CREB5: variants seen among roughly 807,000 people sequenced by gnomAD.
The protein encoded by CREB5 is cAMP responsive element binding protein 5.
CREB5 carries 19 observed loss-of-function variants against 57.1 expected under a neutral mutation model. That is an observed-to-expected ratio of 0.33 (90% CI 0.23 to 0.49). The LOEUF (loss-of-function observed/expected upper bound fraction) is 0.49, where lower values mean the gene tolerates loss of function less well. CREB5 is among the 20% of genes least tolerant of loss of function. CREB5 has a pLI of 0.99. For synonymous variants in CREB5, 238 were observed against 238.3 expected, an observed-to-expected ratio of 1.00 and a Z score of 0.01; for missense variants, 579 against 671.6, an observed-to-expected ratio of 0.86 and a Z score of 1.52.
chr7:28,453,621 T>A (rs888956494), intron 1 of CREB5, among the ~76,000 whole-genome samples: 4 of 152,224 alleles, frequency 2.6e-5, no homozygotes, highest in Non-Finnish European at 5.9e-5. Flanking sequence ...ACACTTGGCA[T>A]CCCTGATCCT....
At chr7:28,648,837 A>T (rs1799011961) in intron 5 of CREB5, among the ~76,000 whole-genome samples, 1 of 152,208 alleles carries the variant, frequency 6.6e-6, no homozygotes, top group African/African-American at 2.4e-5. Flanking sequence ...AGACTCTTTT[A>T]TTTAAAAACA....
chr7:28,759,232 G>A (rs1449284782), intron 7 of CREB5, among the ~76,000 whole-genome samples: 1 of 152,094 alleles, frequency 6.6e-6, no homozygotes, highest in Non-Finnish European at 1.5e-5. Context: ...AGATTGTACT[G>A]GAAACTCAGC....
intron 5 of CREB5, among the ~76,000 whole-genome samples, chr7:28,667,073 G>C (rs2240484): frequency 0.26 from 39,329 of 151,680 alleles, 5,193 homozygotes; most frequent in Middle Eastern, 0.36. Flanking sequence ...AGAGTGAAAC[G>C]AGGACTGATG....
intron 1 of CREB5, among the ~76,000 whole-genome samples, chr7:28,327,157 A>AT (rs2127985678): frequency 6.7e-6 from 1 of 149,376 alleles, no homozygotes; most frequent in Admixed American, 6.8e-5. Flanking sequence ...TCAAAAAAAA[A>AT]AAAAAAAAAA....
chr7:28,700,256 G>A (rs183901145), intron 5 of CREB5, among the ~76,000 whole-genome samples: 296 of 152,172 alleles, frequency 1.9e-3, no homozygotes, highest in African/African-American at 6.6e-3. Context: ...ATGCATGCAT[G>A]TTCCCACGAT....
chr7:28,530,450 G>T (rs1562777806), intron 4 of CREB5, among the ~76,000 whole-genome samples: 1 of 152,148 alleles, frequency 6.6e-6, no homozygotes, highest in Non-Finnish European at 1.5e-5. Context: ...AATGTCAAGG[G>T]CTCCTAATGT....
upstream of CREB5, chr7:28,409,900 C>G: frequency 2.2e-6 from 1 of 455,338 alleles, no homozygotes; most frequent in South Asian, 1.6e-5. This position sits in a 1 kb window ranked among gnomAD's most constrained non-coding sequence, Gnocchi z 4.4. Context: ...CTCCAGAGAC[C>G]TGGCAAGGTG....
intron 1 of CREB5, among the ~76,000 whole-genome samples, chr7:28,380,323 G>C (rs1257080307): frequency 6.6e-6 from 1 of 152,148 alleles, no homozygotes; most frequent in Non-Finnish European, 1.5e-5. Context: ...ACACTACTAT[G>C]CTATCCTTCG....
chr7:28,560,825 C>CGTGCGTGCGTGCGCGCGTGCGT (rs1562797019), intron 4 of CREB5, among the ~76,000 whole-genome samples: 3 of 37,564 alleles, frequency 8.0e-5, no homozygotes, highest in Non-Finnish European at 2.0e-4. Flanking sequence ...TGTGTGTGCG[C>CGTGCGTGCGTGCGCGCGTGCGT]GCGCGCGCGT....
chr7:28,797,121 G>A (rs1484612088), intron 7 of CREB5, among the ~76,000 whole-genome samples: 7 of 152,186 alleles, frequency 4.6e-5, no homozygotes, highest in African/African-American at 1.4e-4. Flanking sequence ...GGAAAAGGCT[G>A]GCAGGGAAAT....
intron 5 of CREB5, among the ~76,000 whole-genome samples, chr7:28,642,000 T>G (rs1798679161): frequency 6.6e-6 from 1 of 152,154 alleles, no homozygotes; most frequent in Non-Finnish European, 1.5e-5. Context: ...GCGAAGCAAG[T>G]TATGGGAGGA....
intron 1 of CREB5, among the ~76,000 whole-genome samples, chr7:28,420,089 G>T (rs191467530): frequency 2.4e-4 from 25 of 104,678 alleles, no homozygotes; most frequent in African/African-American, 8.2e-4. Flanking sequence ...GGCAGCATGG[G>T]CAAAGTACAA....
intron 7 of CREB5, among the ~76,000 whole-genome samples, chr7:28,744,224 C>A (rs1040949816): frequency 2.0e-5 from 3 of 151,148 alleles, no homozygotes; most frequent in Non-Finnish European, 2.9e-5. Flanking sequence ...TGTATATGTG[C>A]CACATTTTCT....
At chr7:28,334,153 CT>C (rs577082108) in intron 1 of CREB5, among the ~76,000 whole-genome samples, 2 of 152,138 alleles carry the variant, frequency 1.3e-5, no homozygotes, top group East Asian at 1.9e-4. Context: ...TGTTGAGCAG[CT>C]TTTTTTGTTT....
intron 7 of CREB5, among the ~76,000 whole-genome samples, chr7:28,734,293 A>G (rs943469202): frequency 2.0e-5 from 3 of 151,492 alleles, no homozygotes; most frequent in Admixed American, 1.3e-4. Flanking sequence ...CATAGGTATA[A>G]ACTAAACTTT....
rs922177095 is a variant in CREB5 at position 28,539,268 on chromosome 7, T to A, written c.292-31097T>A. Among the ~76,000 whole-genome samples, 40 of 152,220 alleles carry A rather than the reference T, an allele frequency of 2.6e-4. 1 individual carries two copies. The highest frequency in any genetic ancestry group is 1.5e-5 in the Non-Finnish European group (1 of 68,040). On this transcript the variant is annotated intron_variant, in intron 4 of 10. Transcript: ENST00000357727. ...GGAACTGTTAGCTGTTATTACTTAG[T>A]TGATTAAAATTATGACTGATTATCC...
chr7:28,638,264 G>GACACACACAC (rs56956362), intron 5 of CREB5, among the ~76,000 whole-genome samples: 7,137 of 145,712 alleles, frequency 0.049, 208 homozygotes, highest in Non-Finnish European at 0.062. Flanking sequence ...AAAGAAACTA[G>GACACACACAC]ACACACACAC....
intron 1 of CREB5, among the ~76,000 whole-genome samples, chr7:28,464,496 C>CGTGTGTGTGTGTGT (rs71555745): frequency 7.2e-4 from 101 of 139,656 alleles, no homozygotes; most frequent in African/African-American, 2.4e-3. Context: ...TGGAAAGTTG[C>CGTGTGTGTGTGTGT]GTGTGTGTGT....
intron 1 of CREB5, among the ~76,000 whole-genome samples, chr7:28,306,852 C>T (rs533203136): frequency 2.0e-5 from 3 of 152,240 alleles, no homozygotes; most frequent in East Asian, 3.9e-4. Context: ...TGAGCCACCG[C>T]GCCCGGCCAC....
Sources: allele counts gnomAD v4.1 joint callset (sites outside exome capture counted in the v4.1 genomes callset), GRCh38; gene constraint gnomAD v4.1.1; non-coding constraint Gnocchi (gnomAD v3.1); transcripts MANE v1.5; gene names NCBI Gene and HGNC (gene_info 2026-07-23, HGNC 2026-07-21).